Variants in FTO observed in about 807,000 individuals in gnomAD.
FTO encodes alpha-ketoglutarate-dependent dioxygenase FTO.
In FTO, 47 loss-of-function variants were observed where a neutral mutation model predicts 63.9. The ratio of observed to expected loss-of-function variants is 0.74; its 90% confidence interval spans 0.58 to 0.94. The LOEUF (loss-of-function observed/expected upper bound fraction) is 0.94, where lower values mean the gene tolerates loss of function less well. FTO is among the 40% of genes least tolerant of loss of function. The probability of loss-of-function intolerance (pLI) is 0.00; values close to 1 mark genes in which losing one functional copy is unlikely to be tolerated. For synonymous variants in FTO, 207 were observed against 224.4 expected, an observed-to-expected ratio of 0.92 and a Z score of 0.69; for missense variants, 562 against 618.1, an observed-to-expected ratio of 0.91 and a Z score of 0.96.
chr16:54,047,959 T>A (rs2085209829), intron 8 of FTO, among the ~76,000 whole-genome samples: 1 of 55,070 alleles, frequency 1.8e-5, no homozygotes, highest in East Asian at 6.2e-4. Flanking sequence ...CTGGGGACTG[T>A]GGTGGGGTCG....
chr16:53,896,340 T>C (rs769305059), intron 7 of FTO, among the ~76,000 whole-genome samples: 1 of 151,028 alleles, frequency 6.6e-6, no homozygotes, highest in Non-Finnish European at 1.5e-5. Flanking sequence ...GTGGGGAGCA[T>C]GGTAGAGGGA....
rs576087586 is a variant in FTO at position 54,095,293 on chromosome 16, G to A, written c.1365-16469G>A. On this transcript the variant is annotated intron_variant, in intron 8 of 8. Coordinates refer to ENST00000471389, the MANE Select transcript of FTO (RefSeq NM_001080432.3). The stretch of plus-strand genomic sequence containing the variant: ...GACCTTAAGGGAGCCTTCTGCCTTG[G>A]CCTCCCAAAGTGTTGGGATTACAGG... 2.2e-4 allele frequency among the ~76,000 whole-genome samples: 34 copies of A among 152,208 alleles called. 1 individual carries two copies. In the East Asian group the frequency reaches 5.6e-3, roughly 25 times the overall value.
chr16:53,767,729 T>G (rs1224775256), intron 1 of FTO, among the ~76,000 whole-genome samples: 1 of 152,214 alleles, frequency 6.6e-6, no homozygotes, highest in Non-Finnish European at 1.5e-5. Context: ...GGTCAGGTTT[T>G]ATATCATTTA....
chr16:53,713,357 G>C (rs1157453582), intron 1 of FTO, among the ~76,000 whole-genome samples: 3 of 152,104 alleles, frequency 2.0e-5, no homozygotes, highest in Admixed American at 2.0e-4. Context: ...TATATTTAAA[G>C]TGTGACTTTC....
intron 8 of FTO, among the ~76,000 whole-genome samples, chr16:53,950,021 A>G (rs1404140626): frequency 1.3e-5 from 2 of 150,764 alleles, no homozygotes; most frequent in Non-Finnish European, 3.0e-5. Context: ...GTTTACCCTA[A>G]CTACTTTCAT....
intron 1 of FTO, among the ~76,000 whole-genome samples, chr16:53,739,420 T>A (rs928209938): frequency 2.0e-5 from 3 of 151,330 alleles, no homozygotes; most frequent in African/African-American, 7.3e-5. Context: ...TTTACCGTGT[T>A]AGCCAGGATG....
At position 53,934,933 on chromosome 16, in the gene FTO, A is replaced by G. The variant is rs117905721; in HGVS notation, c.1364+824A>G. 3.9e-3 allele frequency among the ~76,000 whole-genome samples: 591 copies of G among 152,258 alleles called. 2 individuals carry two copies. The highest frequency in any genetic ancestry group is 0.01 in the Middle Eastern group (3 of 294). On this transcript the variant is annotated intron_variant, in intron 8 of 8. Coordinates refer to ENST00000471389, the MANE Select transcript of FTO (RefSeq NM_001080432.3). The stretch of plus-strand genomic sequence containing the variant: ...TCTTGTTTCAACCTGGTCTCTTTCC[A>G]TAGAGTTGCCTGTGCTTAGAAACGG...
intron 1 of FTO, among the ~76,000 whole-genome samples, chr16:53,804,340 C>T (rs1265263541): frequency 6.6e-6 from 1 of 152,192 alleles, no homozygotes; most frequent in African/African-American, 2.4e-5. Flanking sequence ...TTTATCATCA[C>T]AACTCTATGA....
chr16:53,837,454 G>A (rs115076711), intron 3 of FTO, among the ~76,000 whole-genome samples: 2,574 of 152,194 alleles, frequency 0.017, 57 homozygotes, highest in African/African-American at 0.053. Context: ...TGCTTGTTTC[G>A]AGGCATCTGA....
intron 3 of FTO, among the ~76,000 whole-genome samples, chr16:53,838,250 A>AAAG (rs1567345029): frequency 6.6e-5 from 10 of 152,192 alleles, no homozygotes; most frequent in Non-Finnish European, 1.0e-4. Flanking sequence ...ATAGCAAGGG[A>AAAG]CCAGCCTTTT....
At chr16:53,843,948 C>A (rs917824288) in intron 3 of FTO, among the ~76,000 whole-genome samples, 1 of 151,744 alleles carries the variant, frequency 6.6e-6, no homozygotes, top group Non-Finnish European at 1.5e-5. Context: ...CTACACCTGG[C>A]CTATTTAAGG....
intron 8 of FTO, chr16:54,040,857 C>T (rs532821540): frequency 5.3e-5 from 8 of 152,286 alleles, no homozygotes; most frequent in African/African-American, 1.9e-4. Flanking sequence ...TAAACACTGA[C>T]TTTTAAAAGC....
chr16:53,814,996 A>G (rs2078633249), intron 2 of FTO: 1 of 152,168 alleles, frequency 6.6e-6, no homozygotes, highest in South Asian at 2.1e-4. Context: ...AGAACAGCAA[A>G]GCCTCAGGTA....
At chr16:53,985,252 GAC>G (rs1280976423) in intron 8 of FTO, among the ~76,000 whole-genome samples, 2 of 152,166 alleles carry the variant, frequency 1.3e-5, no homozygotes, top group Admixed American at 1.3e-4. Context: ...AAACTTAATG[GAC>G]ACCCTTTGTA....
chr16:53,948,310 G>A (rs2082696360), intron 8 of FTO, among the ~76,000 whole-genome samples: 1 of 152,244 alleles, frequency 6.6e-6, no homozygotes, highest in Non-Finnish European at 1.5e-5. Context: ...GGGGGCATGA[G>A]AGTTGGATAT....
intron 1 of FTO, among the ~76,000 whole-genome samples, chr16:53,725,942 G>C (rs2076142308): frequency 6.6e-6 from 1 of 152,180 alleles, no homozygotes; most frequent in African/African-American, 2.4e-5. Context: ...ATCCTAGCTA[G>C]TCACTTAATG....
At chr16:54,032,087 C>G (rs546186533) in intron 8 of FTO, among the ~76,000 whole-genome samples, 21 of 152,296 alleles carry the variant, frequency 1.4e-4, no homozygotes, top group African/African-American at 5.1e-4. Context: ...TGACATGATG[C>G]TGGTGATATT....
At chr16:53,794,670 G>A (rs1461885925) in intron 1 of FTO, among the ~76,000 whole-genome samples, 3 of 152,180 alleles carry the variant, frequency 2.0e-5, no homozygotes, top group African/African-American at 4.8e-5. Flanking sequence ...TCAATTTCAA[G>A]AATAGCAACT....
At chr16:53,936,470 C>A (rs2082392549) in intron 8 of FTO, among the ~76,000 whole-genome samples, 1 of 152,230 alleles carries the variant, frequency 6.6e-6, no homozygotes, top group South Asian at 2.1e-4. Flanking sequence ...ATACACCTTT[C>A]TTTTCCTCAT....
Sources: gnomAD v4.1 joint callset for allele counts (sites outside exome capture counted in the v4.1 genomes callset) on GRCh38, gnomAD v4.1.1 for gene constraint, MANE v1.5 for transcripts, NCBI Gene and HGNC (gene_info 2026-07-23, HGNC 2026-07-21) for gene names.